The following GRIA1 variants were observed in gnomAD, a reference collection of about 807,000 sequenced individuals.
GRIA1 encodes glutamate ionotropic receptor AMPA type subunit 1.
A neutral mutation model predicts 99.2 loss-of-function variants in GRIA1; 31 were observed. The ratio of observed to expected loss-of-function variants is 0.31; its 90% CI spans 0.23 to 0.42. GRIA1 has a LOEUF of 0.42. Among genes scored for constraint, GRIA1 ranks in the 10% least tolerant of loss-of-function variants. GRIA1 has a pLI of 1.00. For synonymous variants in GRIA1, 438 were observed against 432.4 expected, an observed-to-expected ratio of 1.01 and a Z score of -0.16; for missense variants, 782 against 1,157.5, an observed-to-expected ratio of 0.68 and a Z score of 4.71.
At chr5:153,595,387 A>G (rs1764340615) in intron 2 of GRIA1, among the ~76,000 whole-genome samples, 1 of 152,204 alleles carries the variant, frequency 6.6e-6, no homozygotes, top group African/African-American at 2.4e-5. Context: ...TAATGAACCA[A>G]TACTAATACT....
intron 7 of GRIA1, among the ~76,000 whole-genome samples, chr5:153,680,000 A>T (rs1756858741): frequency 6.6e-6 from 1 of 152,176 alleles, no homozygotes; most frequent in Admixed American, 6.5e-5. Flanking sequence ...AGTTTTATTA[A>T]CCGTGGTTTG....
intron 2 of GRIA1, among the ~76,000 whole-genome samples, chr5:153,621,337 C>A (rs1767027958): frequency 6.6e-6 from 1 of 152,142 alleles, no homozygotes; most frequent in Admixed American, 6.5e-5. Flanking sequence ...CATGGTGGTA[C>A]ACACCTGTAA....
chr5:153,746,596 C>A (rs4645377), intron 11 of GRIA1, among the ~76,000 whole-genome samples: 61,190 of 151,998 alleles, frequency 0.4, 13,569 homozygotes, highest in East Asian at 0.94. Context: ...GGCAGAGACC[C>A]AGGCCCTTGG....
intron 6 of GRIA1, among the ~76,000 whole-genome samples, chr5:153,676,505 C>A (rs754714296): frequency 1.6e-4 from 25 of 152,184 alleles, no homozygotes; most frequent in Non-Finnish European, 3.4e-4. Flanking sequence ...ACCCTTCTTT[C>A]ATTTTCTTTT....
chr5:153,691,430 G>A (rs34058956), intron 8 of GRIA1, among the ~76,000 whole-genome samples: 14,181 of 152,098 alleles, frequency 0.093, 809 homozygotes, highest in Non-Finnish European at 0.12. Context: ...ACTGGGTGGA[G>A]GAATCTACTT....
At chr5:153,574,396 G>C (rs1369769249) in intron 2 of GRIA1, 1 of 152,074 alleles carries the variant, frequency 6.6e-6, no homozygotes, top group Non-Finnish European at 1.5e-5. Context: ...ATATAGGTAA[G>C]GGTTTTTTGT....
chr5:153,650,992 T>C (rs1754533462), intron 4 of GRIA1, among the ~76,000 whole-genome samples: 1 of 149,928 alleles, frequency 6.7e-6, no homozygotes, highest in Non-Finnish European at 1.5e-5. Context: ...GGCAGGAGAA[T>C]CCCTTGAACC....
chr5:153,624,773 T>G (rs1767427035), intron 2 of GRIA1, among the ~76,000 whole-genome samples: 1 of 152,212 alleles, frequency 6.6e-6, no homozygotes, highest in Non-Finnish European at 1.5e-5. Flanking sequence ...CGTGGAAAAC[T>G]GTAAGAAACA....
chr5:153,731,602 G>T (rs1278345810), intron 11 of GRIA1, among the ~76,000 whole-genome samples: 3 of 151,894 alleles, frequency 2.0e-5, no homozygotes, highest in African/African-American at 7.3e-5. Context: ...TAGCTTTATT[G>T]AGGTACAATT....
At chr5:153,509,194 G>T (rs138519685) in intron 2 of GRIA1, among the ~76,000 whole-genome samples, 71 of 152,324 alleles carry the variant, frequency 4.7e-4, no homozygotes, top group Middle Eastern at 6.8e-3. Context: ...GACTGGGGAG[G>T]TTCCTACAAT....
intron 7 of GRIA1, among the ~76,000 whole-genome samples, chr5:153,681,068 C>G (rs575024306): frequency 6.6e-6 from 1 of 152,246 alleles, no homozygotes; most frequent in African/African-American, 2.4e-5. Flanking sequence ...AGGCTGCACA[C>G]GAAGTACACT....
chr5:153,608,686 G>A (rs1483608733), intron 2 of GRIA1, among the ~76,000 whole-genome samples: 1 of 152,124 alleles, frequency 6.6e-6, no homozygotes, highest in Non-Finnish European at 1.5e-5. Context: ...TGAAATTTAT[G>A]TCTGTAATGT....
At chr5:153,683,931 G>C (rs1378977176) in intron 7 of GRIA1, among the ~76,000 whole-genome samples, 1 of 152,192 alleles carries the variant, frequency 6.6e-6, no homozygotes, top group Admixed American at 6.5e-5. Context: ...GAAATGCCCA[G>C]CAGCAATAGC....
chr5:153,658,453 A>C (rs1755112096), intron 5 of GRIA1, among the ~76,000 whole-genome samples: 1 of 152,176 alleles, frequency 6.6e-6, no homozygotes, highest in Non-Finnish European at 1.5e-5. Flanking sequence ...TCAAATGCTT[A>C]CAGCTGCCAG....
rs114642645 is a variant in GRIA1, at chr5:153,659,056, A to T, written c.699+3184A>T. Among the ~76,000 whole-genome samples the T allele has an allele frequency of 5.0e-3, 759 of 152,186 alleles. 5 individuals carry two copies. The highest frequency in any genetic ancestry group is 0.018 in the African/African-American group (729 of 41,530). ...CTTTTAGCTGGCTCTGTATTCTTGG[A>T]CAACTCTCCAATCCTCAGTTTCCTC... is the stretch of plus-strand genomic sequence containing the variant. On this transcript the variant is annotated intron_variant, in intron 5 of 15. Transcript: ENST00000285900.
At chr5:153,759,518 A>G (rs1157404120) in intron 11 of GRIA1, among the ~76,000 whole-genome samples, 1 of 151,986 alleles carries the variant, frequency 6.6e-6, no homozygotes, top group African/African-American at 2.4e-5. Flanking sequence ...GAAATAGAAA[A>G]CCTGAAAAGA....
At chr5:153,606,152 C>T (rs1765418388) in intron 2 of GRIA1, among the ~76,000 whole-genome samples, 1 of 152,132 alleles carries the variant, frequency 6.6e-6, no homozygotes, top group Non-Finnish European at 1.5e-5. Flanking sequence ...AATTTTTCTA[C>T]ATAGATATCC....
intron 12 of GRIA1, among the ~76,000 whole-genome samples, chr5:153,766,438 T>C (rs1307094430): frequency 6.6e-6 from 1 of 152,222 alleles, no homozygotes; most frequent in African/African-American, 2.4e-5. Flanking sequence ...CCTTATAGCA[T>C]AGACAACATG....
intron 14 of GRIA1, among the ~76,000 whole-genome samples, chr5:153,801,339 A>T (rs553417569): frequency 7.1e-6 from 1 of 139,892 alleles, no homozygotes; most frequent in African/African-American, 2.9e-5. Context: ...CATGACCATC[A>T]GTTGTGTTTG....
Sources: allele counts gnomAD v4.1 joint callset (sites outside exome capture counted in the v4.1 genomes callset), GRCh38; gene constraint gnomAD v4.1.1; transcripts MANE v1.5; gene names NCBI Gene and HGNC (gene_info 2026-07-23, HGNC 2026-07-21).